SETBP1: variants seen among roughly 807,000 people sequenced by gnomAD.
SETBP1 encodes SET-binding protein.
SETBP1 carries 9 observed loss-of-function variants against 101.0 expected under a neutral mutation model. The observed-to-expected ratio is 0.09, with a 90% CI of 0.05 to 0.16. The LOEUF is 0.16. SETBP1 is among the 10% of genes least tolerant of loss of function. SETBP1 has a pLI of 1.00. For synonymous variants in SETBP1, 818 were observed against 788.5 expected, an observed-to-expected ratio of 1.04 and a Z score of -0.63; for missense variants, 1,858 against 2,033.8, an observed-to-expected ratio of 0.91 and a Z score of 1.66.
intron 2 of SETBP1, 139 bp from the exon 3 acceptor site, chr18:44,869,091 A>G: frequency 2.6e-6 from 2 of 755,026 alleles, no homozygotes; most frequent in Non-Finnish European, 4.7e-6. Flanking sequence ...CAGTCCAGAA[A>G]TCTCACATTT....
intron 2 of SETBP1, among the ~76,000 whole-genome samples, chr18:44,829,314 T>C (rs1481245761): frequency 6.6e-6 from 1 of 152,234 alleles, no homozygotes; most frequent in African/African-American, 2.4e-5. Flanking sequence ...CCCTATTGCA[T>C]TGACGCCTGT....
Position 44,781,921 on chromosome 18 carries a change from TG to T in SETBP1, c.486+80090del, listed in dbSNP as rs781061446. On this transcript the variant is annotated intron_variant, in intron 2 of 5. Transcript: ENST00000649279. Reference sequence around the variant, plus strand: ...TCTATGACTTAAGGGACTGTAATACTGTTTAAATCAAACACAACTCTCACTA... The same window carrying T: ...TCTATGACTTAAGGGACTGTAATACTTTTAAATCAAACACAACTCTCACTA... Among the ~76,000 whole-genome samples, 24 of 152,374 alleles carry T rather than the reference TG, an allele frequency of 1.6e-4. No homozygotes were observed. In the East Asian group the frequency reaches 4.4e-3, roughly 28 times the overall value.
At position 45,063,818 on chromosome 18, in the gene SETBP1, G is replaced by C; in HGVS notation, c.*120G>C. The stretch of plus-strand genomic sequence containing the variant: ...ACCCACGCCCTTCTCTCCAGAAGCC[G>C]GGCAGGCAGAATCCGGCCAGACGAC... On this transcript the variant is annotated 3_prime_UTR_variant, in exon 6 of 6. Coordinates refer to ENST00000649279, the MANE Select transcript of SETBP1 (RefSeq NM_015559.3). The C allele has an allele frequency of 7.4e-6, 9 of 1,213,156 alleles. No homozygotes were observed. The highest frequency in any genetic ancestry group is 9.2e-6 in the Non-Finnish European group (8 of 873,940). 75.1% of individuals were successfully genotyped at this position (1,213,156 alleles called of 1,614,324 possible). A position where few individuals can be genotyped will look rare whatever the true frequency, so the allele number is the denominator to read the frequency against.
intron 2 of SETBP1, among the ~76,000 whole-genome samples, chr18:44,829,338 T>A (rs1339421034): frequency 1.3e-5 from 2 of 152,256 alleles, no homozygotes; most frequent in East Asian, 3.8e-4. Flanking sequence ...TAATTTTTTT[T>A]GGTCAAGTAT....
At chr18:44,848,002 A>G (rs993207095) in intron 2 of SETBP1, among the ~76,000 whole-genome samples, 1 of 152,118 alleles carries the variant, frequency 6.6e-6, no homozygotes, top group African/African-American at 2.4e-5. Context: ...ATGACCCTGG[A>G]AACTCTCAGA....
rs77283244 is a variant in SETBP1 at position 44,977,263 on chromosome 18, C to T, written c.4000+23923C>T. Among the ~76,000 whole-genome samples, 96 of 152,110 alleles carry T rather than the reference C, an allele frequency of 6.3e-4. No homozygotes were observed. In the East Asian group the frequency reaches 0.015, roughly 24 times the overall value. On this transcript the variant is annotated intron_variant, in intron 4 of 5. Transcript: ENST00000649279. ...CTGGATAGATATCAAAAAAGAAATG[C>T]GGAAGGTATGTGTGGACAACTGATA...
intron 3 of SETBP1, among the ~76,000 whole-genome samples, chr18:44,931,099 C>G (rs1004627541): frequency 1.3e-5 from 2 of 152,218 alleles, no homozygotes; most frequent in Non-Finnish European, 2.9e-5. Flanking sequence ...TCTCTCTGCA[C>G]ACTGCTTTAA....
At chr18:45,024,007 C>T (rs1303617675) in intron 4 of SETBP1, among the ~76,000 whole-genome samples, 1 of 152,184 alleles carries the variant, frequency 6.6e-6, no homozygotes, top group African/African-American at 2.4e-5. Context: ...CCTTATCCAC[C>T]AGCTGAAAAC....
intron 2 of SETBP1, among the ~76,000 whole-genome samples, chr18:44,834,111 G>A (rs1172670361): frequency 6.6e-6 from 1 of 152,134 alleles, no homozygotes. Context: ...CTCAGGGAAG[G>A]CATTAAACTC....
chr18:44,738,878 G>A (rs997729194), intron 2 of SETBP1, among the ~76,000 whole-genome samples: 1 of 151,904 alleles, frequency 6.6e-6, no homozygotes, highest in African/African-American at 2.4e-5. Context: ...CAAACTTAGT[G>A]GCTTAAAGCA....
chr18:44,706,006 A>G lies in SETBP1; in HGVS notation c.486+4174A>G, dbSNP rs143349584. ...TGAGATGCTATTTGGGAGAGGGCCTATGATGGATTTACATGCTTTACATGA... is the reference window on the plus strand; with the variant it reads ...TGAGATGCTATTTGGGAGAGGGCCTGTGATGGATTTACATGCTTTACATGA... On this transcript the variant is annotated intron_variant, in intron 2 of 5. Coordinates refer to ENST00000649279, the MANE Select transcript of SETBP1 (RefSeq NM_015559.3). 2.0e-3 allele frequency among the ~76,000 whole-genome samples: 298 copies of G among 152,286 alleles called. 1 individual carries two copies. The highest frequency in any genetic ancestry group is 3.1e-3 in the Admixed American group (48 of 15,300).
chr18:44,733,212 C>T (rs2069877719), intron 2 of SETBP1: 2 of 152,154 alleles, frequency 1.3e-5, no homozygotes, highest in South Asian at 4.1e-4. Context: ...ATCTGAGCTA[C>T]ACAACACCCC....
At chr18:44,740,236 A>G (rs760049413) in intron 2 of SETBP1, among the ~76,000 whole-genome samples, 1 of 152,170 alleles carries the variant, frequency 6.6e-6, no homozygotes, top group Non-Finnish European at 1.5e-5. Context: ...GTATTTGCCT[A>G]CTACTCTGCT....
intron 2 of SETBP1, among the ~76,000 whole-genome samples, chr18:44,849,918 T>G (rs1456128918): frequency 6.6e-6 from 1 of 152,210 alleles, no homozygotes; most frequent in Non-Finnish European, 1.5e-5. Context: ...TGAGTAATTA[T>G]TTATTATTTA....
intron 2 of SETBP1, among the ~76,000 whole-genome samples, chr18:44,709,189 T>A (rs1165433171): frequency 6.6e-6 from 1 of 152,228 alleles, no homozygotes; most frequent in Non-Finnish European, 1.5e-5. Flanking sequence ...TGTTTGTTTT[T>A]TTCTCTTTGG....
intron 1 of SETBP1, among the ~76,000 whole-genome samples, chr18:44,694,206 C>T (rs1221973621): frequency 6.6e-6 from 1 of 152,128 alleles, no homozygotes; most frequent in African/African-American, 2.4e-5. Flanking sequence ...GTAAAGTTTG[C>T]TCGTTCTTAT....
At chr18:44,759,106 G>A (rs765936411) in intron 2 of SETBP1, among the ~76,000 whole-genome samples, 11 of 152,164 alleles carry the variant, frequency 7.2e-5, no homozygotes, top group Non-Finnish European at 4.4e-5. Flanking sequence ...CATAATTGGT[G>A]AGTCAGTTTT....
intron 2 of SETBP1, among the ~76,000 whole-genome samples, chr18:44,735,783 G>A (rs1284230613): frequency 6.6e-6 from 1 of 152,150 alleles, no homozygotes; most frequent in Admixed American, 6.5e-5. Context: ...CACAAGTTCT[G>A]CCAGGGACAG....
chr18:44,872,624 CAA>C (rs2144697301), intron 3 of SETBP1, among the ~76,000 whole-genome samples: 1 of 152,364 alleles, frequency 6.6e-6, no homozygotes, highest in South Asian at 2.1e-4. Flanking sequence ...ATCCAGGATG[CAA>C]AGAGCATTCA....
Sources: allele counts gnomAD v4.1 joint callset (sites outside exome capture counted in the v4.1 genomes callset), GRCh38; gene constraint gnomAD v4.1.1; transcripts MANE v1.5; gene names NCBI Gene and HGNC (gene_info 2026-07-23, HGNC 2026-07-21).